NAALADL2: variants seen among roughly 807,000 people sequenced by gnomAD.
NAALADL2 encodes the protein inactive N-acetylated-alpha-linked acidic dipeptidase-like protein 2.
Under a neutral mutation model 87.2 loss-of-function variants are expected in NAALADL2, and 76 were observed. The ratio of observed to expected loss-of-function variants is 0.87; its 90% CI spans 0.72 to 1.05. NAALADL2 has a LOEUF of 1.05. NAALADL2 is among the 50% of genes least tolerant of loss of function. The probability of loss-of-function intolerance (pLI) is 0.00; values close to 1 mark genes in which losing one functional copy is unlikely to be tolerated. For missense variants in NAALADL2, 1,089 were observed against 945.8 expected, an observed-to-expected ratio of 1.15 and a Z score of -1.99; for synonymous variants, 354 against 331.0, an observed-to-expected ratio of 1.07 and a Z score of -0.75.
At chr3:174,830,478 G>T (rs532721479) in intron 3 of NAALADL2, among the ~76,000 whole-genome samples, 1 of 151,922 alleles carries the variant, frequency 6.6e-6, no homozygotes, top group Non-Finnish European at 1.5e-5. Flanking sequence ...CTATATCTCT[G>T]TTTTGGTACC....
chr3:175,080,376 A>G (rs1415843551), intron 1 of NAALADL2, among the ~76,000 whole-genome samples: 2 of 152,214 alleles, frequency 1.3e-5, no homozygotes, highest in Non-Finnish European at 1.5e-5. Flanking sequence ...AAATTATGCA[A>G]TGAAAGTAGT....
At chr3:174,824,536 T>C (rs1721777154) in intron 3 of NAALADL2, among the ~76,000 whole-genome samples, 1 of 152,260 alleles carries the variant, frequency 6.6e-6, no homozygotes, top group Non-Finnish European at 1.5e-5. Context: ...TATACACATC[T>C]ACCTATAGGT....
chr3:175,627,453 A>G (rs1325444327), intron 11 of NAALADL2, 67 bp downstream of exon 11: 8 of 1,029,334 alleles, frequency 7.8e-6, no homozygotes, highest in African/African-American at 3.2e-5. Flanking sequence ...AGATGGAGCA[A>G]AGGAACATAA....
intron 5 of NAALADL2, among the ~76,000 whole-genome samples, chr3:175,347,588 C>A (rs115422306): frequency 0.025 from 3,846 of 152,108 alleles, 149 homozygotes; most frequent in African/African-American, 0.087. Flanking sequence ...CCCAAAATAA[C>A]AATAAATGAT....
At chr3:174,596,071 CAATATT>C (rs1717870907) in intron 2 of NAALADL2, among the ~76,000 whole-genome samples, 4 of 151,960 alleles carry the variant, frequency 2.6e-5, no homozygotes, top group Admixed American at 2.6e-4. Context: ...ACAACAAAAA[CAATATT>C]AATAACAAAA....
chr3:174,580,625 T>C (rs1716062581), intron 2 of NAALADL2, among the ~76,000 whole-genome samples: 1 of 152,126 alleles, frequency 6.6e-6, no homozygotes, highest in Non-Finnish European at 1.5e-5. Context: ...TTTCTAGAAT[T>C]TGATATCAAT....
chr3:175,788,634 T>A (rs933252216), intron 13 of NAALADL2, among the ~76,000 whole-genome samples: 1 of 152,182 alleles, frequency 6.6e-6, no homozygotes, highest in Admixed American at 6.5e-5. Context: ...AATGAAATCA[T>A]ATAATGATGC....
At chr3:174,589,397 T>C (rs1051722671) in intron 2 of NAALADL2, among the ~76,000 whole-genome samples, 2 of 151,952 alleles carry the variant, frequency 1.3e-5, no homozygotes, top group African/African-American at 4.8e-5. Context: ...CAAGCCCCAG[T>C]GAGACCAACC....
At chr3:175,691,096 T>C (rs909956920) in intron 11 of NAALADL2, among the ~76,000 whole-genome samples, 7 of 151,608 alleles carry the variant, frequency 4.6e-5, no homozygotes, top group African/African-American at 1.5e-4. Context: ...AAAAATATTA[T>C]AAACAGTAAG....
At chr3:175,461,636 A>G (rs1387070065) in intron 6 of NAALADL2, among the ~76,000 whole-genome samples, 1 of 152,236 alleles carries the variant, frequency 6.6e-6, no homozygotes, top group African/African-American at 2.4e-5. Context: ...TGTAAGTAGT[A>G]CAGTATACAT....
At chr3:175,273,557 TAGAA>T in intron 4 of NAALADL2, among the ~76,000 whole-genome samples, 1 of 152,266 alleles carries the variant, frequency 6.6e-6, no homozygotes, top group South Asian at 2.1e-4. Context: ...AATTTAATAC[TAGAA>T]ATTAAATACT....
chr3:174,538,126 C>T (rs1427034026), intron 1 of NAALADL2, among the ~76,000 whole-genome samples: 1 of 152,150 alleles, frequency 6.6e-6, no homozygotes, highest in Non-Finnish European at 1.5e-5. Flanking sequence ...TAACTATATA[C>T]TCTTTTTATC....
At chr3:175,014,200 C>T (rs1462817429) in intron 1 of NAALADL2, among the ~76,000 whole-genome samples, 1 of 152,020 alleles carries the variant, frequency 6.6e-6, no homozygotes, top group Non-Finnish European at 1.5e-5. Flanking sequence ...ACAGGTATGC[C>T]GTCACCTCTA....
intron 9 of NAALADL2, among the ~76,000 whole-genome samples, chr3:175,529,610 CA>C (rs1733844647): frequency 6.6e-6 from 1 of 152,136 alleles, no homozygotes; most frequent in Non-Finnish European, 1.5e-5. Context: ...ATTGTAATTT[CA>C]AAAGGCCATT....
intron 2 of NAALADL2, among the ~76,000 whole-genome samples, chr3:174,599,378 C>A (rs1055449426): frequency 3.3e-5 from 5 of 152,092 alleles, no homozygotes; most frequent in African/African-American, 4.8e-5. Flanking sequence ...AACTGACCTT[C>A]TAGATGGTGA....
intron 13 of NAALADL2, chr3:175,773,183 A>C (rs1749738040): frequency 6.6e-6 from 1 of 152,158 alleles, no homozygotes; most frequent in South Asian, 2.1e-4. Context: ...ATCTACTTAA[A>C]TAACATTTAA....
At chr3:175,382,728 G>A (rs1364024944) in intron 5 of NAALADL2, among the ~76,000 whole-genome samples, 2 of 151,540 alleles carry the variant, frequency 1.3e-5, no homozygotes, top group East Asian at 4.0e-4. Flanking sequence ...ACATTTACCT[G>A]TTATTATCTG....
In NAALADL2 at chr3:175,602,920, G is replaced by A. The variant is rs534236773; in HGVS notation, c.1801-24371G>A. ...ATCTATTGTTAACACCTTTCCCCAT[G>A]TGTCAGTCATTTGTTCTCCCTTTCT... On this transcript the variant is annotated intron_variant, in intron 10 of 13. Transcript: ENST00000454872. Among the ~76,000 whole-genome samples the A allele has an allele frequency of 5.3e-5, 8 of 152,208 alleles. No individual in the cohort carries two copies. In the South Asian group the frequency reaches 1.7e-3, roughly 32 times the overall value.
intron 11 of NAALADL2, among the ~76,000 whole-genome samples, chr3:175,692,215 T>G (rs1253119505): frequency 6.6e-6 from 1 of 152,178 alleles, no homozygotes; most frequent in Non-Finnish European, 1.5e-5. Context: ...ACTTTTTTTT[T>G]GCCAATTTTC....
Sources: gnomAD v4.1 joint callset for allele counts (sites outside exome capture counted in the v4.1 genomes callset) on GRCh38, gnomAD v4.1.1 for gene constraint, MANE v1.5 for transcripts, NCBI Gene and HGNC (gene_info 2026-07-23, HGNC 2026-07-21) for gene names.